Variants in MDN1 observed in about 807,000 individuals in gnomAD.
The protein encoded by MDN1 is midasin AAA ATPase 1.
Under a neutral mutation model 669.2 loss-of-function variants are expected in MDN1, and 266 were observed. The ratio of observed to expected loss-of-function variants is 0.40; its 90% CI spans 0.36 to 0.44. The LOEUF is 0.44. Ranked by LOEUF, MDN1 falls within the 20% of genes least tolerant of loss-of-function variation. The pLI is 1.00. For missense variants in MDN1, 5,940 were observed against 6,754.0 expected, an observed-to-expected ratio of 0.88 and a Z score of 4.22; for synonymous variants, 2,385 against 2,457.1, an observed-to-expected ratio of 0.97 and a Z score of 0.87.
At chr6:89,791,310 A>C (rs979186041) in intron 5 of MDN1, among the ~76,000 whole-genome samples, 2 of 152,198 alleles carry the variant, frequency 1.3e-5, no homozygotes, top group Non-Finnish European at 2.9e-5. Flanking sequence ...TACATTTAGA[A>C]GACAATCAGG....
intron 33 of MDN1, among the ~76,000 whole-genome samples, chr6:89,737,108 T>C (rs944544786): frequency 5.9e-5 from 9 of 151,816 alleles, no homozygotes; most frequent in Non-Finnish European, 1.0e-4. Flanking sequence ...GTAGAGACTG[T>C]AGAGAAAAAA....
chr6:89,707,911 C>T (rs968529338), intron 51 of MDN1, among the ~76,000 whole-genome samples: 3 of 152,086 alleles, frequency 2.0e-5, no homozygotes, highest in Non-Finnish European at 1.5e-5. Context: ...ATTATGTCTC[C>T]AACATTTGAG....
At position 89,790,163 on chromosome 6, in the gene MDN1, CT is replaced by C; in HGVS notation, c.1093del (p.Ser365ValfsTer24). On this transcript the variant is annotated frameshift_variant, in exon 6 of 102. Coordinates refer to ENST00000369393, the MANE Select transcript of MDN1 (RefSeq NM_014611.3). LOFTEE classifies it high-confidence loss of function. ...AACTTAACATTTCCTTATTACCTTA[CT>C]GTCAGTCTGATCTCCAAGCTGGACT... ...LKVQLGDQTD[S>X]KMLLGMYRCT... The C allele has an allele frequency of 6.2e-7, 1 of 1,614,038 alleles. No individual in the cohort carries two copies. The highest frequency in any genetic ancestry group is 8.5e-7 in the Non-Finnish European group (1 of 1,180,010).
chr6:89,696,598 T>A, intron 59 of MDN1, 24 bp from the exon 60 acceptor site: 2 of 1,572,402 alleles, frequency 1.3e-6, no homozygotes, highest in Non-Finnish European at 1.7e-6. Flanking sequence ...GAAGAGTCAA[T>A]AACTTTTAGA....
rs1769132271 is a variant in MDN1 at position 89,819,715 on chromosome 6, G to A, written c.-108C>T. 2.3e-6 allele frequency: 2 copies of A among 861,938 alleles called. No individual in the cohort carries two copies. The highest frequency in any genetic ancestry group is 3.8e-6 in the Non-Finnish European group (2 of 526,722). 53.4% of individuals were successfully genotyped at this position (861,938 alleles called of 1,614,324 possible). On this transcript the variant is annotated 5_prime_UTR_variant, in exon 1 of 102. Coordinates refer to ENST00000369393, the MANE Select transcript of MDN1 (RefSeq NM_014611.3). ...CGAGCAGCCAGCAACTACGCCCGCA[G>A]GAAAGGCGTCCTCAGCTCCAGCGCC...
At chr6:89,714,870 C>A (rs1814219431) in intron 45 of MDN1, 119 bp from the exon 46 acceptor site, 2 of 791,568 alleles carry the variant, frequency 2.5e-6, no homozygotes, top group Non-Finnish European at 4.0e-6. Context: ...AGAATTCACA[C>A]CAAGGATCTT....
intron 11 of MDN1, among the ~76,000 whole-genome samples, chr6:89,779,918 T>TA (rs1224780025): frequency 6.6e-6 from 1 of 151,766 alleles, no homozygotes; most frequent in Non-Finnish European, 1.5e-5. Context: ...ATACAAAAAT[T>TA]AGCCAGGGGT....
intron 45 of MDN1, 148 bp downstream of exon 45, chr6:89,715,505 G>GT (rs1814297418): frequency 1.6e-6 from 1 of 623,332 alleles, no homozygotes; most frequent in South Asian, 1.9e-5. Context: ...TAAAGCCTCA[G>GT]TAAGTATTTG....
chr6:89,677,710 A>G lies in MDN1; in HGVS notation c.12413-14T>C, dbSNP rs747467483. ...GATACGACAAACCTAGGAAATAAAC[A>G]GCATTTCTTTAAGCAAAGATGCTTA... On this transcript the variant is annotated splice_polypyrimidine_tract_variant and intron_variant, in intron 75 of 101. Transcript: ENST00000369393. The G allele has an allele frequency of 6.2e-6, 10 of 1,613,822 alleles. No homozygotes were observed. The highest frequency in any genetic ancestry group is 7.6e-6 in the Non-Finnish European group (9 of 1,179,888).
chr6:89,795,158 T>G (rs2128327409), intron 2 of MDN1, among the ~76,000 whole-genome samples: 1 of 152,292 alleles, frequency 6.6e-6, no homozygotes, highest in African/African-American at 2.4e-5. Context: ...GGGGGGTACT[T>G]AATGTAAGTG....
rs779634443 is a variant in MDN1 at position 89,655,840 on chromosome 6, G to A, written c.15414C>T (p.Pro5138=). The change falls in exon 92 of 102, where the codon CCC becomes CCT. Residue 5138 remains proline (P), a synonymous_variant. Transcript: ENST00000369393. ...CATCTGCATCCTCCACCTGGGCCTGGGGCTGCTGAGCTGGCCCCTGCTCGG... is the reference window on the plus strand; with the variant it reads ...CATCTGCATCCTCCACCTGGGCCTGAGGCTGCTGAGCTGGCCCCTGCTCGG... ...SHAEQGPAQQ[P]QAQVEDADAF... 21 of 1,613,952 alleles carry A rather than the reference G, an allele frequency of 1.3e-5. No individual in the cohort carries two copies. The South Asian group carries it at 2.1e-4, about 16-fold the overall frequency.
intron 40 of MDN1, among the ~76,000 whole-genome samples, chr6:89,720,082 T>G (rs909368048): frequency 7.9e-5 from 12 of 152,122 alleles, no homozygotes; most frequent in South Asian, 2.1e-4. Flanking sequence ...AATACTTACA[T>G]AATTGAATAC....
chr6:89,732,540 G>T lies in MDN1; in HGVS notation c.4942+17C>A. 6.2e-7 allele frequency: 1 copy of T among 1,611,440 alleles called. No individual in the cohort carries two copies. The highest frequency in any genetic ancestry group is 8.5e-7 in the Non-Finnish European group (1 of 1,177,734). On this transcript the variant is annotated intron_variant, in intron 34 of 101. Coordinates refer to ENST00000369393, the MANE Select transcript of MDN1 (RefSeq NM_014611.3). Reference sequence around the variant, plus strand: ...CTATACGAGCCCCTTGTCCCCACCAGCTACCAGACAACATACCTGAACCTA... The same window carrying T: ...CTATACGAGCCCCTTGTCCCCACCATCTACCAGACAACATACCTGAACCTA...
chr6:89,793,499 G>A lies in MDN1; in HGVS notation c.855+263C>T, dbSNP rs146837792. ...AGACTGAGGTGGCATGATCCCTTGAGTCCAGGAGTTCCAGATCAGCACAGA... is the reference window on the plus strand; with the variant it reads ...AGACTGAGGTGGCATGATCCCTTGAATCCAGGAGTTCCAGATCAGCACAGA... On this transcript the variant is annotated intron_variant, in intron 5 of 101. Coordinates refer to ENST00000369393, the MANE Select transcript of MDN1 (RefSeq NM_014611.3). Among the ~76,000 whole-genome samples the A allele has an allele frequency of 3.9e-5, 6 of 152,294 alleles. No individual in the cohort carries two copies. In the East Asian group the frequency reaches 9.6e-4, roughly 24 times the overall value.
chr6:89,732,310 T>A (rs1280559331), intron 34 of MDN1, among the ~76,000 whole-genome samples: 1 of 151,832 alleles, frequency 6.6e-6, no homozygotes, highest in Non-Finnish European at 1.5e-5. Flanking sequence ...TCAGCAGTCT[T>A]TACTCTACTC....
At chr6:89,768,661 T>G (rs971253473) in intron 15 of MDN1, among the ~76,000 whole-genome samples, 2 of 151,886 alleles carry the variant, frequency 1.3e-5, no homozygotes, top group East Asian at 3.9e-4. Context: ...CACATGAGCC[T>G]AGGAGGTACA....
At chr6:89,671,609 A>C (rs6454768) in intron 82 of MDN1, among the ~76,000 whole-genome samples, 56,625 of 152,108 alleles carry the variant, frequency 0.37, 11,116 homozygotes, top group East Asian at 0.68. Flanking sequence ...ACCTGAGCCC[A>C]GGAGGTCAAG....
chr6:89,806,850 T>TC (rs1191227225), intron 1 of MDN1, among the ~76,000 whole-genome samples: 6 of 151,660 alleles, frequency 4.0e-5, no homozygotes, highest in Non-Finnish European at 8.8e-5. Flanking sequence ...GCCTAGGAGT[T>TC]CGAGGCTGCA....
In MDN1 at chr6:89,672,327, T is replaced by G; in HGVS notation, c.13667A>C (p.Lys4556Thr). ...GGCCCAGAAGTCATCCTCTAAGAGTTTTGTTAGATGTCCTGATTGCAGTCT... is the reference window on the plus strand; with the variant it reads ...GGCCCAGAAGTCATCCTCTAAGAGTGTTGTTAGATGTCCTGATTGCAGTCT... ...FERLQSGHLT[K>T]LLEDDFWADV... The change falls in exon 82 of 102, where the codon AAA becomes ACA. Residue 4556 changes from lysine to threonine, a missense_variant. Physicochemically the swap from Lys to Thr is moderately conservative, Grantham distance 78 (BLOSUM62 -1). This residue lies in a region of MDN1 where 2,280 missense variants were observed against 2,576.3 expected (regional missense o/e 0.88). Transcript: ENST00000369393. The G allele has an allele frequency of 6.2e-7, 1 of 1,612,522 alleles. No homozygotes were observed. The highest frequency in any genetic ancestry group is 8.5e-7 in the Non-Finnish European group (1 of 1,179,700).
Sources: allele counts gnomAD v4.1 joint callset (sites outside exome capture counted in the v4.1 genomes callset), GRCh38; gene constraint gnomAD v4.1.1; regional missense constraint gnomAD v4.1.1; transcripts MANE v1.5; gene names NCBI Gene and HGNC (gene_info 2026-07-23, HGNC 2026-07-21).